Variants in DNAH17 observed in about 807,000 individuals in gnomAD.
DNAH17 encodes the protein dynein axonemal heavy chain 17, also known as axonemal beta dynein heavy chain 17.
A neutral mutation model predicts 485.6 loss-of-function variants in DNAH17; 376 were observed. That is an observed-to-expected ratio of 0.77 (90% CI 0.71 to 0.84). The LOEUF (loss-of-function observed/expected upper bound fraction) is 0.84. DNAH17 is among the 40% of genes least tolerant of loss of function. The pLI is 0.00. For synonymous variants in DNAH17, 3,031 were observed against 2,405.9 expected, an observed-to-expected ratio of 1.26 and a Z score of -7.60; for missense variants, 6,370 against 5,839.3, an observed-to-expected ratio of 1.09 and a Z score of -2.96.
In DNAH17 at chr17:78,498,845, C is replaced by T. The variant is rs79965598; in HGVS notation, c.5745+163G>A. ...TTTTCAATGTGTTTGCCTAACCAGG[C>T]TTTGGGACCCTGGAGGGCAAGAGCT... On this transcript the variant is annotated intron_variant, in intron 37 of 80. Transcript: ENST00000389840. The T allele has an allele frequency of 1.8e-3, 894 of 506,076 alleles. 4 individuals carry two copies. The highest frequency in any genetic ancestry group is 0.016 in the African/African-American group (824 of 50,608). The allele number at this position is 506,076 out of a possible 1,614,324, so 31.3% of individuals were successfully genotyped here. A position where few individuals can be genotyped will look rare whatever the true frequency, so the allele number is the denominator to read the frequency against.
At chr17:78,479,148 T>G in intron 50 of DNAH17, 32 bp from the exon 51 acceptor site, 1 of 1,605,548 alleles carries the variant, frequency 6.2e-7, no homozygotes, top group Non-Finnish European at 8.5e-7. Flanking sequence ...TCAATTCTCA[T>G]GTACTCTTGA....
chr17:78,448,814 G>A (rs1486352535), intron 69 of DNAH17, among the ~76,000 whole-genome samples: 2 of 152,146 alleles, frequency 1.3e-5, no homozygotes, highest in Non-Finnish European at 2.9e-5. Flanking sequence ...CTTCCACCAT[G>A]GGATGACACA....
At chr17:78,521,297 T>C (rs1402001911) in intron 25 of DNAH17, among the ~76,000 whole-genome samples, 1 of 151,984 alleles carries the variant, frequency 6.6e-6, no homozygotes, top group Admixed American at 6.6e-5. Flanking sequence ...TCCCAGCTAC[T>C]CAGGAGGCTG....
intron 46 of DNAH17, 45 bp from the exon 47 acceptor site, chr17:78,485,802 C>T (rs886748826): frequency 3.6e-5 from 57 of 1,599,096 alleles, no homozygotes; most frequent in South Asian, 6.7e-5. Context: ...TTCTCAGACA[C>T]TTCTGCCTCT....
chr17:78,458,773 G>A, intron 61 of DNAH17, 93 bp from the exon 62 acceptor site: 1 of 1,231,294 alleles, frequency 8.1e-7, no homozygotes. Flanking sequence ...TGAGCGCTGA[G>A]CGTGGAAGAG....
At chr17:78,482,766 C>T (rs528279201) in intron 48 of DNAH17, among the ~76,000 whole-genome samples, 4 of 152,238 alleles carry the variant, frequency 2.6e-5, no homozygotes, top group East Asian at 1.9e-4. Context: ...TCCCTGTTGT[C>T]GTGGGGCCAT....
At chr17:78,479,768 C>T (rs548632448) in intron 49 of DNAH17, 136 bp from the exon 50 acceptor site, 78 of 1,162,976 alleles carry the variant, frequency 6.7e-5, no homozygotes, top group Non-Finnish European at 8.6e-5. Flanking sequence ...GGGCAGTTAC[C>T]CTCCTTGTGC....
At chr17:78,573,460 A>G (rs1487097148) in intron 2 of DNAH17, among the ~76,000 whole-genome samples, 2 of 152,038 alleles carry the variant, frequency 1.3e-5, no homozygotes, top group Non-Finnish European at 2.9e-5. Context: ...TTAGCCAGGC[A>G]TGGTGGCACC....
At chr17:78,567,457 T>G (rs1598741700) in intron 9 of DNAH17, among the ~76,000 whole-genome samples, 1 of 152,306 alleles carries the variant, frequency 6.6e-6, no homozygotes, top group East Asian at 1.9e-4. Context: ...GACCCCAGAC[T>G]GGCCAAACCG....
chr17:78,437,716 G>C lies in DNAH17; in HGVS notation c.11958C>G (p.Asn3986Lys), dbSNP rs775593579. ...GGGGCTCGTTGGTGATCTTGATGGC[G>C]TTCTCCAGAATGCCCTGGGGGATGA... ...THIIPQGILE[N>K]AIKITNEPPT... The change falls in exon 74 of 81, where the codon AAC (asparagine) becomes AAG (lysine). Residue 3986 changes from asparagine to lysine, a missense_variant. By Grantham distance (94) the Asn-to-Lys change is moderately conservative (BLOSUM62 0). Transcript: ENST00000389840. The C allele has an allele frequency of 1.2e-6, 2 of 1,612,350 alleles. No homozygotes were observed. Among genetic ancestry groups the C allele is most frequent in the Admixed American group, 1.7e-5 (1 of 59,948 alleles).
intron 36 of DNAH17, 74 bp downstream of exon 36, chr17:78,500,231 C>T (rs1336547769): frequency 6.8e-6 from 10 of 1,474,022 alleles, no homozygotes; most frequent in Admixed American, 2.5e-5. Flanking sequence ...TGTGGGGCCT[C>T]GGAGGACAGG....
chr17:78,450,919 G>A (rs1166606628), intron 66 of DNAH17, 73 bp from the exon 67 acceptor site: 7 of 1,567,452 alleles, frequency 4.5e-6, no homozygotes, highest in Non-Finnish European at 6.1e-6. Flanking sequence ...CCCTCAGGTG[G>A]CCATGTAGCT....
At position 78,558,117 on chromosome 17, in the gene DNAH17, C is replaced by T. The variant is rs762805918; in HGVS notation, c.2169G>A (p.Trp723Ter). The T allele has an allele frequency of 5.6e-6, 9 of 1,613,204 alleles. No individual in the cohort carries two copies. The highest frequency in any genetic ancestry group is 7.6e-6 in the Non-Finnish European group (9 of 1,179,634). Reference sequence around the variant, plus strand: ...CGACTCACCAACTCACCTCATTATACCAGCCAACGATGAGCTCCAGGTTGC... The same window carrying T: ...CGACTCACCAACTCACCTCATTATATCAGCCAACGATGAGCTCCAGGTTGC... ...FVGNLELIVG[W>*]YNEIKTIVKA... The change falls in exon 14 of 81, where the codon TGG becomes TGA. Residue 723 changes from tryptophan (W) to a stop codon, truncating the protein, a stop_gained. Transcript: ENST00000389840. LOFTEE classifies it high-confidence loss of function.
At chr17:78,462,599 CCT>C (rs1265985885) in intron 57 of DNAH17, among the ~76,000 whole-genome samples, 6 of 152,332 alleles carry the variant, frequency 3.9e-5, no homozygotes, top group South Asian at 2.1e-4. Context: ...GGTGCCATCC[CCT>C]GTGTAATGCG....
chr17:78,533,206 C>T (rs150861106), intron 19 of DNAH17, among the ~76,000 whole-genome samples: 1 of 152,350 alleles, frequency 6.6e-6, no homozygotes, highest in Non-Finnish European at 1.5e-5. Context: ...CTGCGTACCA[C>T]ATGCTGGGAT....
At chr17:78,533,014 C>CA in intron 19 of DNAH17, 2 of 300,096 alleles carry the variant, frequency 6.7e-6, no homozygotes, top group South Asian at 1.1e-4. Context: ...GCCTCAGCCT[C>CA]CCAAGTAGCT....
chr17:78,539,513 T>G (rs1244286715), intron 18 of DNAH17, among the ~76,000 whole-genome samples: 1 of 152,172 alleles, frequency 6.6e-6, no homozygotes, highest in Non-Finnish European at 1.5e-5. Context: ...CAATTTATGT[T>G]ATGGCAGATT....
chr17:78,503,339 C>G lies in DNAH17; in HGVS notation c.4957-328G>C, dbSNP rs549635357. Among the ~76,000 whole-genome samples, 203 of 83,794 alleles carry G rather than the reference C, an allele frequency of 2.4e-3. 3 individuals carry two copies. In the East Asian group the frequency reaches 0.061, roughly 25 times the overall value. 55.0% of individuals were successfully genotyped at this position (83,794 alleles called of 152,430 possible). A position where few individuals can be genotyped will look rare whatever the true frequency, so the allele number is the denominator to read the frequency against. ...GGACTACAGGCGCCCGCCCCCACTC[C>G]CGGCATTTTTTTTTTTTTTGTATTT... On this transcript the variant is annotated intron_variant, in intron 31 of 80. Transcript: ENST00000389840.
At chr17:78,491,366 C>G in intron 43 of DNAH17, 77 bp downstream of exon 43, 5 of 1,546,654 alleles carry the variant, frequency 3.2e-6, no homozygotes, top group Non-Finnish European at 4.4e-6. Context: ...CCTGAGTGCT[C>G]CGTAGGCGCC....
Sources: gnomAD v4.1 joint callset for allele counts (sites outside exome capture counted in the v4.1 genomes callset) on GRCh38, gnomAD v4.1.1 for gene constraint, MANE v1.5 for transcripts, NCBI Gene and HGNC (gene_info 2026-07-23, HGNC 2026-07-21) for gene names.